Variants in KYNU observed in about 807,000 individuals in gnomAD.
KYNU encodes the protein L-kynurenine hydrolase.
KYNU carries 54 observed loss-of-function variants against 59.2 expected under a neutral mutation model. The ratio of observed to expected loss-of-function variants is 0.91; its 90% confidence interval spans 0.73 to 1.14. KYNU has a LOEUF of 1.14. KYNU is among the 50% of genes most tolerant of loss of function. The pLI is 0.00. For missense variants in KYNU, 567 were observed against 554.4 expected, an observed-to-expected ratio of 1.02 and a Z score of -0.23; for synonymous variants, 177 against 192.0, an observed-to-expected ratio of 0.92 and a Z score of 0.65.
intron 2 of KYNU, 98 bp from the exon 3 acceptor site, chr2:142,918,511 T>C: frequency 1.6e-6 from 2 of 1,285,784 alleles, no homozygotes; most frequent in Non-Finnish European, 1.1e-6. Context: ...TTTATCCTTC[T>C]TAGAGTTGAT....
In KYNU at chr2:143,048,745, C is replaced by G. The variant is rs1257214041; in HGVS notation, c.*6573C>G. ...AGTTACAGTATTTTGGCTTCCATTA[C>G]TGCTGTTAAGCATTCAGATCATCAG... On this transcript the variant is annotated 3_prime_UTR_variant, in exon 14 of 14. Transcript: ENST00000264170. 2 of 152,142 alleles carry G rather than the reference C, an allele frequency of 1.3e-5. No homozygotes were observed. The highest frequency in any genetic ancestry group is 2.4e-5 in the African/African-American group (1 of 41,434). 9.4% of individuals were successfully genotyped at this position (152,142 alleles called of 1,614,324 possible). A position where few individuals can be genotyped will look rare whatever the true frequency, so the allele number is the denominator to read the frequency against.
chr2:142,938,892 G>A lies in KYNU; in HGVS notation c.373+11151G>A, dbSNP rs140695012. On this transcript the variant is annotated intron_variant, in intron 4 of 13. Transcript: ENST00000264170. ...AGTTCCAACACTGAGAGGCCAAAGC[G>A]AGAGGATCACTTAAGCCCAGGAGTT... 1.0e-3 allele frequency among the ~76,000 whole-genome samples: 156 copies of A among 152,128 alleles called. 2 individuals are homozygous for A. The highest frequency in any genetic ancestry group is 3.4e-3 in the Middle Eastern group (1 of 294).
At chr2:143,035,708 C>A (rs374140165) in intron 12 of KYNU, among the ~76,000 whole-genome samples, 1 of 152,188 alleles carries the variant, frequency 6.6e-6, no homozygotes, top group Admixed American at 6.5e-5. Flanking sequence ...CCTCCTGCCC[C>A]CACCTTCCAG....
At chr2:142,983,930 A>G (rs960364049) in intron 8 of KYNU, among the ~76,000 whole-genome samples, 1 of 151,960 alleles carries the variant, frequency 6.6e-6, no homozygotes, top group Non-Finnish European at 1.5e-5. Flanking sequence ...CTCTTTTTGA[A>G]TCTTACAAAG....
chr2:142,976,158 T>C (rs894853414), intron 8 of KYNU, among the ~76,000 whole-genome samples: 13 of 151,652 alleles, frequency 8.6e-5, no homozygotes, highest in African/African-American at 3.2e-4. Context: ...TGGAGGGAAG[T>C]TTTATGGGGT....
intron 3 of KYNU, among the ~76,000 whole-genome samples, chr2:142,921,550 G>A (rs1176366396): frequency 6.6e-6 from 1 of 152,118 alleles, no homozygotes; most frequent in Non-Finnish European, 1.5e-5. Context: ...GCTACCATCT[G>A]TAATCCCAGC....
intron 4 of KYNU, among the ~76,000 whole-genome samples, chr2:142,933,978 A>T (rs1683305926): frequency 6.6e-6 from 1 of 152,240 alleles, no homozygotes. Flanking sequence ...AATGGGTGGT[A>T]TTAGACAGAA....
chr2:142,957,877 T>G lies in KYNU; in HGVS notation c.582+162T>G. Reference sequence around the variant, plus strand: ...TACTATTAGATCATTTTGCTTAAAATAGAGAATAACTCAGATGTGTATTTA... The same window carrying G: ...TACTATTAGATCATTTTGCTTAAAAGAGAGAATAACTCAGATGTGTATTTA... On this transcript the variant is annotated intron_variant, in intron 7 of 13. Coordinates refer to ENST00000264170, the MANE Select transcript of KYNU (RefSeq NM_003937.3). 5.0e-6 allele frequency: 3 copies of G among 602,078 alleles called. No individual in the cohort carries two copies. The South Asian group carries it at 5.9e-5, about 12-fold the overall frequency. The allele number at this position is 602,078 out of a possible 1,614,324, so 37.3% of individuals were successfully genotyped here.
rs1227090743 is a variant in KYNU at position 143,053,671 on chromosome 2, A to G, written c.*11499A>G. 6 of 152,330 alleles carry G rather than the reference A, an allele frequency of 3.9e-5. No homozygotes were observed. The highest frequency in any genetic ancestry group is 7.3e-5 in the Non-Finnish European group (5 of 68,190). 9.4% of individuals were successfully genotyped at this position (152,330 alleles called of 1,614,324 possible). A position where few individuals can be genotyped will look rare whatever the true frequency, so the allele number is the denominator to read the frequency against. ...TGCCCAAGTTCTTCTCTTGTCTGCC[A>G]TCATGTGCGATGTGCCTTTCACCTC... On this transcript the variant is annotated 3_prime_UTR_variant, in exon 14 of 14. Coordinates refer to ENST00000264170, the MANE Select transcript of KYNU (RefSeq NM_003937.3).
In KYNU at chr2:143,045,815, A is replaced by T. The variant is rs1290844585; in HGVS notation, c.*3643A>T. On this transcript the variant is annotated 3_prime_UTR_variant, in exon 14 of 14. Coordinates refer to ENST00000264170, the MANE Select transcript of KYNU (RefSeq NM_003937.3). The stretch of plus-strand genomic sequence containing the variant: ...ATGCCTGACCAGGAATTGTTTTTCA[A>T]CTTCATAGTGGTAAACAAAACATAT... The T allele has an allele frequency of 6.6e-6, 1 of 152,078 alleles. No homozygotes were observed. The highest frequency in any genetic ancestry group is 1.9e-4 in the East Asian group (1 of 5,184). 9.4% of individuals were successfully genotyped at this position (152,078 alleles called of 1,614,324 possible).
intron 10 of KYNU, among the ~76,000 whole-genome samples, chr2:143,007,680 G>A (rs1319536962): frequency 8.4e-6 from 1 of 119,194 alleles, no homozygotes. Flanking sequence ...ACCGTCAAAG[G>A]GAAGCCCATC....
chr2:142,987,327 G>A (rs1156837799), intron 10 of KYNU, among the ~76,000 whole-genome samples: 2 of 151,680 alleles, frequency 1.3e-5, no homozygotes, highest in Admixed American at 6.6e-5. Flanking sequence ...GGGGTGGGGG[G>A]GAAGAAGTAA....
chr2:143,038,184 G>C (rs1231736858), intron 12 of KYNU, among the ~76,000 whole-genome samples: 1 of 152,102 alleles, frequency 6.6e-6, no homozygotes, highest in Admixed American at 6.6e-5. Context: ...TTGCCCCCAT[G>C]TACATATTAG....
chr2:142,939,261 G>A (rs1442329430), intron 4 of KYNU, among the ~76,000 whole-genome samples: 4 of 152,066 alleles, frequency 2.6e-5, no homozygotes, highest in Admixed American at 6.6e-5. Flanking sequence ...AATTTCTATT[G>A]GTTTTGTGCG....
At position 143,022,257 on chromosome 2, in the gene KYNU, G is replaced by A. The variant is rs72990729; in HGVS notation, c.903-7370G>A. ...TTTAAAACTTAAGAATAAGAATGTC[G>A]TAAATGTCTTTACAGGGTTTAAGGA... On this transcript the variant is annotated intron_variant, in intron 10 of 13. Coordinates refer to ENST00000264170, the MANE Select transcript of KYNU (RefSeq NM_003937.3). Among the ~76,000 whole-genome samples, 570 of 152,024 alleles carry A rather than the reference G, an allele frequency of 3.7e-3. 2 individuals are homozygous for A. Among genetic ancestry groups the A allele is most frequent in the African/African-American group, 0.013 (519 of 41,506 alleles).
chr2:142,908,569 G>A (rs1305627625), intron 2 of KYNU, among the ~76,000 whole-genome samples: 1 of 151,962 alleles, frequency 6.6e-6, no homozygotes, highest in African/African-American at 2.4e-5. Context: ...TCAAACCCAG[G>A]CACTGGTATT....
intron 2 of KYNU, among the ~76,000 whole-genome samples, chr2:142,912,945 C>CTCG (rs1682543446): frequency 6.6e-6 from 1 of 150,882 alleles, no homozygotes; most frequent in Non-Finnish European, 1.5e-5. Flanking sequence ...ATCTCCTGAC[C>CTCG]TCGTGATCCA....
intron 10 of KYNU, chr2:142,989,385 G>A (rs1445954524): frequency 1.0e-6 from 1 of 992,510 alleles, no homozygotes; most frequent in East Asian, 1.1e-4. Flanking sequence ...AAAGTGTCCA[G>A]TATGTAGCCG....
At position 143,040,577 on chromosome 2, in the gene KYNU, G is replaced by C; in HGVS notation, c.1191G>C (p.Glu397Asp). The change falls in exon 13 of 14, where the codon GAG (glutamate) becomes GAC (aspartate). Residue 397 changes from glutamate (E) to aspartate (D), a missense_variant. Glu to Asp is a conservative substitution (Grantham distance 45, BLOSUM62 2). Transcript: ENST00000264170. ...ACATAATTACTCCGTCTCATGTAGAGGAGCGGGGGTGCCAGCTAACAATAA... is the reference window on the plus strand; with the variant it reads ...ACATAATTACTCCGTCTCATGTAGACGAGCGGGGGTGCCAGCTAACAATAA... ...VVNIITPSHVEERGCQLTITF... is the reference protein window; with the variant it reads ...VVNIITPSHVDERGCQLTITF... 1.2e-6 allele frequency: 2 copies of C among 1,612,718 alleles called. No homozygotes were observed. The highest frequency in any genetic ancestry group is 2.7e-5 in the African/African-American group (2 of 74,978).
Sources: allele counts gnomAD v4.1 joint callset (sites outside exome capture counted in the v4.1 genomes callset), GRCh38; gene constraint gnomAD v4.1.1; transcripts MANE v1.5; gene names NCBI Gene and HGNC (gene_info 2026-07-23, HGNC 2026-07-21).